TRPM3: variants seen among roughly 807,000 people sequenced by gnomAD.
TRPM3 encodes long transient receptor potential channel 3.
TRPM3 carries 77 observed loss-of-function variants against 181.2 expected under a neutral mutation model. The observed-to-expected ratio is 0.42, with a 90% CI of 0.35 to 0.51. The LOEUF (loss-of-function observed/expected upper bound fraction) is 0.51, where lower values mean the gene tolerates loss of function less well. Ranked by LOEUF, TRPM3 falls within the 20% of genes least tolerant of loss-of-function variation. The pLI, the probability that TRPM3 is intolerant of heterozygous loss-of-function variation, is 0.01. For synonymous variants in TRPM3, 745 were observed against 796.4 expected, an observed-to-expected ratio of 0.94 and a Z score of 1.09; for missense variants, 1,759 against 2,196.7, an observed-to-expected ratio of 0.80 and a Z score of 3.98.
At chr9:70,848,286 T>G (rs1304972235) in intron 3 of TRPM3, among the ~76,000 whole-genome samples, 1 of 152,006 alleles carries the variant, frequency 6.6e-6, no homozygotes, top group African/African-American at 2.4e-5. Context: ...ATAATGATAA[T>G]AGATCCAGAA....
chr9:71,145,653 A>G (rs530020619), intron 1 of TRPM3, among the ~76,000 whole-genome samples: 11 of 152,188 alleles, frequency 7.2e-5, no homozygotes, highest in Non-Finnish European at 1.6e-4. Context: ...ATAAAAAAGG[A>G]AAGTATACTA....
intron 1 of TRPM3, among the ~76,000 whole-genome samples, chr9:70,938,795 T>C (rs2096854920): frequency 6.6e-6 from 1 of 151,440 alleles, no homozygotes; most frequent in Admixed American, 6.6e-5. Flanking sequence ...CACTAAAAAA[T>C]ACACACAAAA....
At chr9:71,331,385 T>C (rs1048716256) in intron 1 of TRPM3, among the ~76,000 whole-genome samples, 1 of 151,914 alleles carries the variant, frequency 6.6e-6, no homozygotes, top group African/African-American at 2.4e-5. Flanking sequence ...ATCTAAGTTA[T>C]AATGCAGGCT....
intron 1 of TRPM3, among the ~76,000 whole-genome samples, chr9:70,996,765 C>G (rs2097544725): frequency 6.6e-6 from 1 of 152,026 alleles, no homozygotes; most frequent in Admixed American, 6.6e-5. Flanking sequence ...TAAATTATTC[C>G]CAAAGCTTTA....
At chr9:71,061,151 T>C (rs1200109183) in intron 1 of TRPM3, among the ~76,000 whole-genome samples, 2 of 152,084 alleles carry the variant, frequency 1.3e-5, no homozygotes, top group African/African-American at 4.8e-5. Context: ...CCTGGAGCAC[T>C]GGAAGAATTG....
intron 6 of TRPM3, 152 bp from the exon 7 acceptor site, chr9:70,784,431 A>C: frequency 4.8e-6 from 4 of 839,962 alleles, no homozygotes; most frequent in Non-Finnish European, 7.0e-6. Flanking sequence ...ACTGAGCAAA[A>C]ATTTACAGAA....
rs76592086 is a variant in TRPM3, at chr9:70,591,452, G to A, written c.3049-247C>T. 4.0e-3 allele frequency among the ~76,000 whole-genome samples: 607 copies of A among 152,246 alleles called. 4 individuals are homozygous for A. The highest frequency in any genetic ancestry group is 0.014 in the African/African-American group (585 of 41,550). On this transcript the variant is annotated intron_variant, in intron 21 of 25. Transcript: ENST00000677713. ...GTGCACACACAGATGAAGCCTCTTC[G>A]TTTTTCATTGCTGTCTGTGGGACCG...
At chr9:70,786,334 A>AAAAAAAAAAAAAAAG in intron 6 of TRPM3, among the ~76,000 whole-genome samples, 1 of 148,862 alleles carries the variant, frequency 6.7e-6, no homozygotes, top group Non-Finnish European at 1.5e-5. Context: ...AAAAAAAAAA[A>AAAAAAAAAAAAAAAG]ATTAGCTGGG....
At chr9:70,793,493 A>T (rs550538539) in intron 6 of TRPM3, 215 of 187,060 alleles carry the variant, frequency 1.1e-3, no homozygotes, top group African/African-American at 3.7e-3. Context: ...TATATATATA[A>T]AACACATATG....
intron 6 of TRPM3, among the ~76,000 whole-genome samples, chr9:70,816,803 A>G (rs1279490790): frequency 6.6e-6 from 1 of 152,138 alleles, no homozygotes; most frequent in African/African-American, 2.4e-5. Context: ...GGCTAAGGGG[A>G]TCTGTTTAGG....
rs143138721 is a variant in TRPM3, at chr9:70,921,321, C to T, written c.178-56810G>A. On this transcript the variant is annotated intron_variant, in intron 1 of 25. Coordinates refer to ENST00000677713, the MANE Select transcript of TRPM3 (RefSeq NM_001366145.2). ...GGTAATAGGATATTCAAACAGAGTA[C>T]TTTGTGTCTCGGCTTTGCTGAGGCC... 2.2e-3 allele frequency among the ~76,000 whole-genome samples: 330 copies of T among 152,344 alleles called. 1 individual carries two copies. Among genetic ancestry groups the T allele is most frequent in the African/African-American group, 7.6e-3 (318 of 41,580 alleles).
chr9:70,803,232 T>C (rs574214059), intron 6 of TRPM3, among the ~76,000 whole-genome samples: 2 of 152,090 alleles, frequency 1.3e-5, no homozygotes, highest in South Asian at 2.1e-4. Flanking sequence ...CCCAGGTCTC[T>C]TCCTACTTGG....
intron 1 of TRPM3, among the ~76,000 whole-genome samples, chr9:71,360,061 G>A (rs2092079088): frequency 6.6e-6 from 1 of 152,038 alleles, no homozygotes; most frequent in South Asian, 2.1e-4. Context: ...AGAGTGGCCG[G>A]CACATAACTA....
chr9:70,989,174 A>G (rs1042611299), intron 1 of TRPM3, among the ~76,000 whole-genome samples: 4 of 152,206 alleles, frequency 2.6e-5, no homozygotes, highest in Non-Finnish European at 4.4e-5. Context: ...TCATATGTTT[A>G]TACTTTAAAA....
chr9:70,763,136 C>G (rs752171382), intron 7 of TRPM3, among the ~76,000 whole-genome samples: 22 of 152,016 alleles, frequency 1.4e-4, no homozygotes, highest in Admixed American at 6.6e-5. Flanking sequence ...TACCAACGAT[C>G]CTGGAAGGTC....
intron 1 of TRPM3, among the ~76,000 whole-genome samples, chr9:71,361,653 C>T (rs537262617): frequency 1.3e-5 from 2 of 152,270 alleles, no homozygotes; most frequent in South Asian, 2.1e-4. Context: ...GCATATTTAT[C>T]GGTAGGGTCC....
intron 1 of TRPM3, among the ~76,000 whole-genome samples, chr9:71,029,182 G>A (rs1488012504): frequency 2.0e-5 from 3 of 152,062 alleles, no homozygotes; most frequent in African/African-American, 4.8e-5. Flanking sequence ...CATCATACCA[G>A]AATCTCTGGG....
At chr9:70,843,223 A>G in intron 4 of TRPM3, 96 bp from the exon 5 acceptor site, 1 of 1,274,032 alleles carries the variant, frequency 7.8e-7, no homozygotes, top group Non-Finnish European at 1.1e-6. Flanking sequence ...CCCGAGGTTA[A>G]ATAAATTGAA....
At chr9:70,929,852 A>C (rs2096758053) in intron 1 of TRPM3, among the ~76,000 whole-genome samples, 1 of 152,150 alleles carries the variant, frequency 6.6e-6, no homozygotes, top group Non-Finnish European at 1.5e-5. Context: ...TCTATTCCCT[A>C]TACAAAATTA....
Sources: gnomAD v4.1 joint callset for allele counts (sites outside exome capture counted in the v4.1 genomes callset) on GRCh38, gnomAD v4.1.1 for gene constraint, MANE v1.5 for transcripts, NCBI Gene and HGNC (gene_info 2026-07-23, HGNC 2026-07-21) for gene names.